Variants in C1orf21 observed in about 807,000 individuals in gnomAD.
C1orf21 encodes chromosome 1 open reading frame 21, also known as uncharacterized protein C1orf21.
C1orf21 carries 3 observed loss-of-function variants against 18.7 expected under a neutral mutation model. That is an observed-to-expected ratio of 0.16 (90% CI 0.07 to 0.42). C1orf21 has a LOEUF of 0.42. Ranked by LOEUF, C1orf21 falls within the 10% of genes least tolerant of loss-of-function variation. The pLI, the probability that C1orf21 is intolerant of heterozygous loss-of-function variation, is 0.99. For synonymous variants in C1orf21, 41 were observed against 46.4 expected, an observed-to-expected ratio of 0.88 and a Z score of 0.47; for missense variants, 104 against 143.6, an observed-to-expected ratio of 0.72 and a Z score of 1.41.
At chr1:184,572,887 G>T (rs1030846985) in intron 3 of C1orf21, among the ~76,000 whole-genome samples, 2 of 151,660 alleles carry the variant, frequency 1.3e-5, no homozygotes, top group Non-Finnish European at 2.9e-5. Flanking sequence ...GGAGGCGGAG[G>T]TTGCAGTGAG....
At chr1:184,461,026 C>A (rs1329245747) in intron 1 of C1orf21, among the ~76,000 whole-genome samples, 1 of 152,092 alleles carries the variant, frequency 6.6e-6, no homozygotes, top group African/African-American at 2.4e-5. Flanking sequence ...AGCACCACTA[C>A]TGGAGGCAGT....
intron 1 of C1orf21, among the ~76,000 whole-genome samples, chr1:184,448,304 G>A (rs1189318088): frequency 2.6e-5 from 4 of 152,034 alleles, no homozygotes; most frequent in African/African-American, 4.8e-5. Flanking sequence ...GGCTGGTCTC[G>A]AACTCATGAC....
intron 3 of C1orf21, among the ~76,000 whole-genome samples, chr1:184,557,129 G>A (rs904278351): frequency 6.6e-6 from 1 of 152,144 alleles, no homozygotes; most frequent in South Asian, 2.1e-4. Flanking sequence ...AATTTTCCAC[G>A]TATATGTCTT....
intron 5 of C1orf21, among the ~76,000 whole-genome samples, chr1:184,611,863 G>T (rs573583281): frequency 2.0e-5 from 3 of 152,260 alleles, no homozygotes; most frequent in South Asian, 2.1e-4. Context: ...AGAACAGAGA[G>T]GATGGGAGGA....
Position 184,619,563 on chromosome 1 carries a change from T to A in C1orf21, c.*7T>A. 6.2e-7 allele frequency: 1 copy of A among 1,613,478 alleles called. No homozygotes were observed. The highest frequency in any genetic ancestry group is 8.5e-7 in the Non-Finnish European group (1 of 1,179,670). On this transcript the variant is annotated 3_prime_UTR_variant, in exon 6 of 6. Coordinates refer to ENST00000235307, the MANE Select transcript of C1orf21 (RefSeq NM_030806.4). ...AGAAGAGGATATCACATAGCACCAA[T>A]TTTACCACTCAAACCAGGAGCTACT...
intron 3 of C1orf21, among the ~76,000 whole-genome samples, chr1:184,526,753 G>A (rs1658383229): frequency 6.6e-6 from 1 of 152,106 alleles, no homozygotes; most frequent in Non-Finnish European, 1.5e-5. Flanking sequence ...TGTTTATAGA[G>A]GTAAGGAAGG....
At chr1:184,487,976 C>T (rs1462340956) in intron 2 of C1orf21, among the ~76,000 whole-genome samples, 1 of 152,206 alleles carries the variant, frequency 6.6e-6, no homozygotes, top group African/African-American at 2.4e-5. Flanking sequence ...GTTGCGCAGA[C>T]CTCTGACCTA....
intron 1 of C1orf21, among the ~76,000 whole-genome samples, chr1:184,457,251 G>C (rs1184361882): frequency 6.6e-6 from 1 of 152,108 alleles, no homozygotes; most frequent in Admixed American, 6.5e-5. Flanking sequence ...AAGTAAATTG[G>C]TATATTCAAC....
In C1orf21 at chr1:184,621,090, G is replaced by A. The variant is rs1659909311; in HGVS notation, c.*1534G>A. 1 of 152,422 alleles carries A rather than the reference G, an allele frequency of 6.6e-6. No individual in the cohort carries two copies. The highest frequency in any genetic ancestry group is 2.1e-4 in the South Asian group (1 of 4,826). 9.4% of individuals were successfully genotyped at this position (152,422 alleles called of 1,614,324 possible). On this transcript the variant is annotated 3_prime_UTR_variant, in exon 6 of 6. Transcript: ENST00000235307. Reference sequence around the variant, plus strand: ...CCTGCAGAAGGTGGAGAGTTAAGATGTTCTATGTCAATTTGCTCTTGCCGA... The same window carrying A: ...CCTGCAGAAGGTGGAGAGTTAAGATATTCTATGTCAATTTGCTCTTGCCGA...
intron 3 of C1orf21, among the ~76,000 whole-genome samples, chr1:184,526,829 A>G (rs942753146): frequency 2.0e-5 from 3 of 152,066 alleles, no homozygotes; most frequent in Admixed American, 6.6e-5. Flanking sequence ...CACTCCCTCA[A>G]CAAGTATTTA....
At chr1:184,532,354 G>C (rs190912344) in intron 3 of C1orf21, among the ~76,000 whole-genome samples, 1 of 152,314 alleles carries the variant, frequency 6.6e-6, no homozygotes, top group Admixed American at 6.5e-5. Context: ...CACTTGGAAG[G>C]TTTCTAGTAA....
Position 184,577,281 on chromosome 1 carries a change from A to G in C1orf21, c.190-13458A>G, listed in dbSNP as rs1331104127. ...GAAGCAGAGATTGGAGATAGAAGAT[A>G]TATTACACTGCTGGCGTTGAAGATG... is the stretch of plus-strand genomic sequence containing the variant. On this transcript the variant is annotated intron_variant, in intron 3 of 5. Coordinates refer to ENST00000235307, the MANE Select transcript of C1orf21 (RefSeq NM_030806.4). Among the ~76,000 whole-genome samples the G allele has an allele frequency of 2.6e-5, 4 of 151,838 alleles. No homozygotes were observed. In the East Asian group the frequency reaches 5.8e-4, roughly 22 times the overall value.
intron 1 of C1orf21, among the ~76,000 whole-genome samples, chr1:184,417,632 C>T (rs545987127): frequency 3.9e-5 from 6 of 152,214 alleles, no homozygotes; most frequent in East Asian, 1.9e-4. Context: ...AAATATAGAA[C>T]GAACAAGTAA....
intron 1 of C1orf21, among the ~76,000 whole-genome samples, chr1:184,468,748 G>A (rs180943096): frequency 2.3e-4 from 35 of 151,950 alleles, no homozygotes; most frequent in African/African-American, 8.0e-4. Flanking sequence ...GTGAAACACC[G>A]TCTCTACTGA....
intron 2 of C1orf21, among the ~76,000 whole-genome samples, chr1:184,493,494 C>T (rs904797819): frequency 3.3e-5 from 5 of 152,112 alleles, no homozygotes; most frequent in East Asian, 1.9e-4. Flanking sequence ...ATTTAGACTA[C>T]GTTTGATTTT....
At chr1:184,537,902 G>A (rs1658584861) in intron 3 of C1orf21, among the ~76,000 whole-genome samples, 2 of 152,106 alleles carry the variant, frequency 1.3e-5, no homozygotes, top group South Asian at 4.1e-4. Flanking sequence ...GCCCACCTCG[G>A]CCTCCCAAAA....
intron 1 of C1orf21, among the ~76,000 whole-genome samples, chr1:184,395,268 G>A (rs1656034492): frequency 6.6e-6 from 1 of 152,104 alleles, no homozygotes; most frequent in South Asian, 2.1e-4. Flanking sequence ...GTCTAAATAA[G>A]TAGTTATTGA....
chr1:184,469,094 A>G (rs1278513010), intron 1 of C1orf21, among the ~76,000 whole-genome samples: 1 of 151,286 alleles, frequency 6.6e-6, no homozygotes, highest in Non-Finnish European at 1.5e-5. Context: ...AAAAGAGAAA[A>G]AAAAAGTCAG....
chr1:184,524,756 A>T (rs931000467), intron 3 of C1orf21, among the ~76,000 whole-genome samples: 1 of 152,080 alleles, frequency 6.6e-6, no homozygotes, highest in Non-Finnish European at 1.5e-5. Context: ...ACAAATTTCA[A>T]ACCCCTAAAG....
Sources: gnomAD v4.1 joint callset for allele counts (sites outside exome capture counted in the v4.1 genomes callset) on GRCh38, gnomAD v4.1.1 for gene constraint, MANE v1.5 for transcripts, NCBI Gene and HGNC (gene_info 2026-07-23, HGNC 2026-07-21) for gene names.